NPC1L1: variants seen among roughly 807,000 people sequenced by gnomAD.
The protein encoded by NPC1L1 is NPC1 like intracellular cholesterol transporter 1.
Under a neutral mutation model 117.0 loss-of-function variants are expected in NPC1L1, and 98 were observed. The observed-to-expected ratio is 0.84, with a 90% CI of 0.71 to 0.99. The LOEUF (loss-of-function observed/expected upper bound fraction) is 0.99, where lower values mean the gene tolerates loss of function less well. Among genes scored for constraint, NPC1L1 ranks in the 50% least tolerant of loss-of-function variants. The pLI, the probability that NPC1L1 is intolerant of heterozygous loss-of-function variation, is 0.00. For missense variants in NPC1L1, 1,540 were observed against 1,710.0 expected, an observed-to-expected ratio of 0.90 and a Z score of 1.75; for synonymous variants, 729 against 727.6, an observed-to-expected ratio of 1.00 and a Z score of -0.03.
At chr7:44,532,855 G>C (rs1320362110) in intron 8 of NPC1L1, among the ~76,000 whole-genome samples, 6 of 152,254 alleles carry the variant, frequency 3.9e-5, no homozygotes, top group African/African-American at 9.6e-5. Context: ...GCTCACGCCA[G>C]CACTTTGGGA....
chr7:44,526,763 C>T (rs549683816), intron 10 of NPC1L1, among the ~76,000 whole-genome samples: 2 of 152,176 alleles, frequency 1.3e-5, no homozygotes, highest in East Asian at 3.9e-4. Context: ...GTGGCTCACA[C>T]CTGTAATCCT....
intron 15 of NPC1L1, 108 bp from the exon 16 acceptor site, chr7:44,517,042 T>C: frequency 6.9e-7 from 1 of 1,441,022 alleles, no homozygotes; most frequent in Non-Finnish European, 9.7e-7. Flanking sequence ...AGGCTTATAT[T>C]GGGGTACAAA....
chr7:44,525,322 A>G (rs1389640584), intron 10 of NPC1L1, among the ~76,000 whole-genome samples: 13 of 152,156 alleles, frequency 8.5e-5, no homozygotes, highest in Non-Finnish European at 1.5e-5. Flanking sequence ...CAGTGGCACA[A>G]TCTCGGCTCA....
At chr7:44,523,467 G>A (rs1801420240) in intron 10 of NPC1L1, among the ~76,000 whole-genome samples, 1 of 151,548 alleles carries the variant, frequency 6.6e-6, no homozygotes, top group South Asian at 2.1e-4. Flanking sequence ...TAGTACAGTA[G>A]CAGCTACCCA....
Position 44,539,448 on chromosome 7 carries a change from C to T in NPC1L1, c.949G>A (p.Val317Met). ...VAPARDKSKM[V>M]DPKKGTSLSD... ...AGGCTGGTGCCCTTCTTGGGGTCCA[C>T]CATCTTGCTTTTGTCCCTGGCGGGG... Residue 317 changes from valine to methionine, a missense_variant, in exon 2 of 19, where the codon GTG becomes ATG. By Grantham distance (21) the Val-to-Met change is conservative. Transcript: ENST00000381160. This position sits in a 1 kb window ranked among gnomAD's most constrained non-coding sequence, Gnocchi z 4.4. 1.2e-6 allele frequency: 2 copies of T among 1,614,034 alleles called. No homozygotes were observed. Among genetic ancestry groups the T allele is most frequent in the Non-Finnish European group, 1.7e-6 (2 of 1,179,992 alleles).
rs560173224 is a variant in NPC1L1 at position 44,528,948 on chromosome 7, A to G, written c.2637+2807T>C. On this transcript the variant is annotated intron_variant, in intron 10 of 18. Transcript: ENST00000381160. ...TAGCCAGGCATGGTGGCATGCACCT[A>G]TAATCCCAGCTACTCAGGAGGCTGA... Among the ~76,000 whole-genome samples, 103 of 152,012 alleles carry G rather than the reference A, an allele frequency of 6.8e-4. 1 individual carries two copies. Among genetic ancestry groups the G allele is most frequent in the Non-Finnish European group, 1.1e-3 (78 of 67,934 alleles).
At chr7:44,516,029 G>T in intron 17 of NPC1L1, 55 bp downstream of exon 17, 1 of 1,589,476 alleles carries the variant, frequency 6.3e-7, no homozygotes, top group South Asian at 1.1e-5. Context: ...CAGGGCATCA[G>T]GCAGGGCACA....
At chr7:44,523,256 A>T (rs1432131113) in intron 10 of NPC1L1, among the ~76,000 whole-genome samples, 1 of 152,026 alleles carries the variant, frequency 6.6e-6, no homozygotes, top group Non-Finnish European at 1.5e-5. Context: ...GGGTTTCACC[A>T]TGTTGGCCAG....
At chr7:44,535,714 G>T in intron 5 of NPC1L1, 126 bp downstream of exon 5, 1 of 1,311,552 alleles carries the variant, frequency 7.6e-7, no homozygotes, top group Non-Finnish European at 1.1e-6. Flanking sequence ...ACCCTTTGGG[G>T]CAGCCACTTG....
In NPC1L1 at chr7:44,539,197, A is replaced by G; in HGVS notation, c.1200T>C (p.His400=). 6.2e-7 allele frequency: 1 copy of G among 1,614,114 alleles called. No homozygotes were observed. ...GGTTGGTTCGGAAGAAGGGGCCGAA[A>G]TGCTGGTCATGGAAAGCTTTCTCAC... ...ARSEKAFHDQ[H]FGPFFRTNQV... The change falls in exon 2 of 19, where the codon CAT becomes CAC. Residue 400 remains histidine (H), a synonymous_variant. Transcript: ENST00000381160. The surrounding 1 kb of genome is among the most constrained non-coding windows in gnomAD (Gnocchi z 4.4).
At chr7:44,541,169 G>A in intron 1 of NPC1L1, 37 bp downstream of exon 1, 1 of 1,547,812 alleles carries the variant, frequency 6.5e-7, no homozygotes, top group Non-Finnish European at 8.7e-7. Flanking sequence ...CCTAACTGGA[G>A]GCCGCAGGGG....
chr7:44,533,288 C>T (rs1801758202), intron 8 of NPC1L1, 143 bp downstream of exon 8: 1 of 955,338 alleles, frequency 1.0e-6, no homozygotes, highest in African/African-American at 1.6e-5. Context: ...GAATACATGG[C>T]CTAAATATTA....
chr7:44,533,387 G>A, intron 8 of NPC1L1, 44 bp downstream of exon 8: 1 of 1,611,982 alleles, frequency 6.2e-7, no homozygotes, highest in East Asian at 2.2e-5. Flanking sequence ...GCCATGGTGG[G>A]AACCCAGGGG....
In NPC1L1 at chr7:44,533,563, G is replaced by A. The variant is rs753931246; in HGVS notation, c.2282-5C>T. On this transcript the variant is annotated splice_region_variant and splice_polypyrimidine_tract_variant and intron_variant, in intron 7 of 18. Transcript: ENST00000381160. ...CTGGCATGGGGGTCAGGGCCCCTGT[G>A]AGGGAGCAGAGGGCTGTCAGGGCAC... 17 of 1,614,044 alleles carry A rather than the reference G, an allele frequency of 1.1e-5. No individual in the cohort carries two copies. The highest frequency in any genetic ancestry group is 1.2e-5 in the Non-Finnish European group (14 of 1,180,040).
chr7:44,521,411 C>G (rs952953777), intron 12 of NPC1L1, among the ~76,000 whole-genome samples: 2 of 152,246 alleles, frequency 1.3e-5, no homozygotes, highest in African/African-American at 4.8e-5. Context: ...ATGTGCTAAC[C>G]TCAGCAGCTC....
In NPC1L1 at chr7:44,539,336, G is replaced by A; in HGVS notation, c.1061C>T (p.Thr354Ile). Residue 354 changes from threonine (T) to isoleucine (I), a missense_variant, in exon 2 of 19, where the codon ACC becomes ATC. Thr to Ile is a moderately conservative substitution (Grantham distance 89). Coordinates refer to ENST00000381160, the MANE Select transcript of NPC1L1 (RefSeq NM_001101648.2). The surrounding 1 kb of genome is among the most constrained non-coding windows in gnomAD (Gnocchi z 4.4). ...WGTWVASWPLTILVLSVIPVV... is the reference protein window; with the variant it reads ...WGTWVASWPLIILVLSVIPVV... ...CGGGATGACAGATAGCACCAAGATG[G>A]TCAGAGGCCACGAAGCCACCCACGT... The A allele has an allele frequency of 6.2e-7, 1 of 1,613,696 alleles. No individual in the cohort carries two copies. The highest frequency in any genetic ancestry group is 8.5e-7 in the Non-Finnish European group (1 of 1,179,666).
rs766725586 is a variant in NPC1L1, at chr7:44,536,958, C to T, written c.1581-16G>A. On this transcript the variant is annotated splice_polypyrimidine_tract_variant and intron_variant, in intron 2 of 18. Transcript: ENST00000381160. The surrounding 1 kb of genome is among the most constrained non-coding windows in gnomAD (Gnocchi z 4.7). ...GAGCGGGGCACTAGAGGGAGATGACCGCAAAGGGAAAGGGCCTTTCCTGGC... is the reference window on the plus strand; with the variant it reads ...GAGCGGGGCACTAGAGGGAGATGACTGCAAAGGGAAAGGGCCTTTCCTGGC... The T allele has an allele frequency of 9.3e-6, 15 of 1,610,040 alleles. No homozygotes were observed. Among genetic ancestry groups the T allele is most frequent in the African/African-American group, 6.7e-5 (5 of 74,874 alleles).
intron 13 of NPC1L1, 25 bp downstream of exon 13, chr7:44,520,967 C>A (rs1413014677): frequency 6.2e-7 from 1 of 1,614,188 alleles, no homozygotes; most frequent in Admixed American, 1.7e-5. Context: ...CTGTCCTCCC[C>A]AGCAGAAGGC....
At chr7:44,517,395 G>C in intron 14 of NPC1L1, 38 bp from the exon 15 acceptor site, 2 of 1,604,678 alleles carry the variant, frequency 1.2e-6, no homozygotes, top group South Asian at 1.1e-5. Flanking sequence ...GAAGGGCAAA[G>C]GTCAGAGCCC....
Sources: gnomAD v4.1 joint callset for allele counts (sites outside exome capture counted in the v4.1 genomes callset) on GRCh38, gnomAD v4.1.1 for gene constraint, Gnocchi (gnomAD v3.1) non-coding constraint, MANE v1.5 for transcripts, NCBI Gene and HGNC (gene_info 2026-07-23, HGNC 2026-07-21) for gene names.